The following HECW2 variants were observed in gnomAD, a reference collection of about 807,000 sequenced individuals.
HECW2 encodes HECT, C2 and WW domain containing E3 ubiquitin protein ligase 2, also known as E3 ubiquitin-protein ligase HECW2.
A neutral mutation model predicts 175.2 loss-of-function variants in HECW2; 61 were observed. The ratio of observed to expected loss-of-function variants is 0.35; its 90% CI spans 0.28 to 0.43. HECW2 has a LOEUF of 0.43. Among genes scored for constraint, HECW2 ranks in the 20% least tolerant of loss-of-function variants. The pLI, the probability that HECW2 is intolerant of heterozygous loss-of-function variation, is 1.00. For missense variants in HECW2, 1,524 were observed against 2,000.5 expected (o/e 0.76, Z 4.54); for synonymous variants, 671 against 731.0 (o/e 0.92, Z 1.32).
intron 11 of HECW2, among the ~76,000 whole-genome samples, chr2:196,307,626 T>C (rs1316085796): frequency 6.6e-6 from 1 of 152,250 alleles, no homozygotes; most frequent in Non-Finnish European, 1.5e-5. Flanking sequence ...CTAGAAAAGA[T>C]GTTTGGCTTT....
At chr2:196,432,073 T>C (rs912269649) in intron 2 of HECW2, among the ~76,000 whole-genome samples, 1 of 152,150 alleles carries the variant, frequency 6.6e-6, no homozygotes, top group South Asian at 2.1e-4. Flanking sequence ...GTCCTTTACA[T>C]TGTTGGATGT....
At chr2:196,360,776 C>T (rs1227222602) in intron 2 of HECW2, among the ~76,000 whole-genome samples, 2 of 152,178 alleles carry the variant, frequency 1.3e-5, no homozygotes, top group East Asian at 1.9e-4. Context: ...GAAGTGACTG[C>T]TCTCTGTGGG....
At chr2:196,478,096 A>C (rs903693859) in intron 1 of HECW2, among the ~76,000 whole-genome samples, 3 of 152,110 alleles carry the variant, frequency 2.0e-5, no homozygotes, top group Non-Finnish European at 2.9e-5. Flanking sequence ...AACAAACAAA[A>C]AAAAACTCAC....
At chr2:196,546,032 T>C (rs2125474975) in intron 1 of HECW2, among the ~76,000 whole-genome samples, 1 of 152,228 alleles carries the variant, frequency 6.6e-6, no homozygotes, top group East Asian at 1.9e-4. Flanking sequence ...CATACTTTAA[T>C]AAAGGTGAGT....
At chr2:196,369,987 G>A (rs1299383505) in intron 2 of HECW2, among the ~76,000 whole-genome samples, 1 of 151,974 alleles carries the variant, frequency 6.6e-6, no homozygotes, top group Non-Finnish European at 1.5e-5. Flanking sequence ...CTAGAATTGA[G>A]GACACCAGTG....
At chr2:196,392,413 C>T (rs1694540642) in intron 2 of HECW2, among the ~76,000 whole-genome samples, 1 of 152,070 alleles carries the variant, frequency 6.6e-6, no homozygotes, top group East Asian at 1.9e-4. Flanking sequence ...TAGTTCTTTG[C>T]TTTTAAGTTT....
At chr2:196,279,550 T>C (rs1288326491) in intron 14 of HECW2, among the ~76,000 whole-genome samples, 1 of 152,172 alleles carries the variant, frequency 6.6e-6, no homozygotes, top group African/African-American at 2.4e-5. Context: ...ACCATAGTCA[T>C]TTAACTGGCC....
chr2:196,577,239 A>G (rs1318048715), intron 1 of HECW2, among the ~76,000 whole-genome samples: 1 of 152,214 alleles, frequency 6.6e-6, no homozygotes, highest in African/African-American at 2.4e-5. Context: ...TATGCCTTCA[A>G]AACCAGAAAA....
chr2:196,328,614 G>A (rs750659120), intron 5 of HECW2, among the ~76,000 whole-genome samples: 47 of 152,186 alleles, frequency 3.1e-4, no homozygotes, highest in Admixed American at 5.2e-4. Flanking sequence ...TTTTTTGTTT[G>A]TTTGTTTGTT....
chr2:196,227,254 C>T (rs1687883014), intron 22 of HECW2, among the ~76,000 whole-genome samples: 1 of 152,194 alleles, frequency 6.6e-6, no homozygotes, highest in South Asian at 2.1e-4. Context: ...AAGCTTTTTC[C>T]ATGAATCCTG....
intron 2 of HECW2, among the ~76,000 whole-genome samples, chr2:196,376,387 T>G (rs113190725): frequency 1.0e-3 from 152 of 152,272 alleles, no homozygotes; most frequent in African/African-American, 3.5e-3. Flanking sequence ...TCCCAGCACT[T>G]TGGGAGGCCG....
chr2:196,508,999 C>T (rs1687856195), intron 1 of HECW2, among the ~76,000 whole-genome samples: 1 of 152,108 alleles, frequency 6.6e-6, no homozygotes, highest in African/African-American at 2.4e-5. Flanking sequence ...ACCAGGGAAG[C>T]AGAGCTTTCA....
intron 28 of HECW2, among the ~76,000 whole-genome samples, chr2:196,205,236 T>C (rs115672311): frequency 0.02 from 3,100 of 152,222 alleles, 46 homozygotes; most frequent in Non-Finnish European, 0.033. Flanking sequence ...GATTAAATGG[T>C]TTTCCCAAGG....
At chr2:196,462,150 T>G (rs1696772434) in intron 1 of HECW2, among the ~76,000 whole-genome samples, 1 of 152,054 alleles carries the variant, frequency 6.6e-6, no homozygotes, top group Non-Finnish European at 1.5e-5. Context: ...AGGCAAAAAT[T>G]TTATAAAGGC....
intron 18 of HECW2, among the ~76,000 whole-genome samples, chr2:196,257,246 T>A (rs1689092085): frequency 6.8e-6 from 1 of 147,984 alleles, no homozygotes; most frequent in Non-Finnish European, 1.5e-5. Flanking sequence ...CTCTAAAATT[T>A]AAAACCAAAG....
intron 1 of HECW2, among the ~76,000 whole-genome samples, chr2:196,499,275 A>G (rs1687500137): frequency 6.6e-6 from 1 of 151,930 alleles, no homozygotes; most frequent in South Asian, 2.1e-4. Flanking sequence ...AAAGTAATAT[A>G]TTTAAAAATT....
intron 25 of HECW2, among the ~76,000 whole-genome samples, chr2:196,220,536 A>T (rs1158585611): frequency 2.0e-5 from 3 of 152,246 alleles, no homozygotes; most frequent in African/African-American, 7.2e-5. Flanking sequence ...TGCATGGCTT[A>T]AATGTTACTA....
chr2:196,317,426 G>T, intron 9 of HECW2, 57 bp from the exon 10 acceptor site: 1 of 1,211,522 alleles, frequency 8.3e-7, no homozygotes, highest in South Asian at 1.3e-5. Flanking sequence ...TATCAAAACA[G>T]ACTCTATACA....
intron 1 of HECW2, among the ~76,000 whole-genome samples, chr2:196,543,657 C>T (rs1194249788): frequency 6.6e-6 from 1 of 151,854 alleles, no homozygotes; most frequent in Non-Finnish European, 1.5e-5. Flanking sequence ...CTGTCGCCCA[C>T]GCTGGAATGC....
Sources: allele counts gnomAD v4.1 joint callset (sites outside exome capture counted in the v4.1 genomes callset), GRCh38; gene constraint gnomAD v4.1.1; transcripts MANE v1.5; gene names NCBI Gene and HGNC (gene_info 2026-07-23, HGNC 2026-07-21).